The following AGTPBP1 variants were observed in gnomAD, a reference collection of about 807,000 sequenced individuals.
The protein encoded by AGTPBP1 is cytosolic carboxypeptidase 1.
AGTPBP1 carries 70 observed loss-of-function variants against 143.9 expected under a neutral mutation model. That is an observed-to-expected ratio of 0.49 (90% CI 0.40 to 0.59). The LOEUF (loss-of-function observed/expected upper bound fraction) is 0.59. Among genes scored for constraint, AGTPBP1 ranks in the 20% least tolerant of loss-of-function variants. AGTPBP1 has a pLI of 0.00. For synonymous variants in AGTPBP1, 463 were observed against 500.2 expected (o/e 0.93, Z 0.99); for missense variants, 1,229 against 1,464.5 (o/e 0.84, Z 2.62).
intron 2 of AGTPBP1, among the ~76,000 whole-genome samples, chr9:85,704,482 T>C (rs1836860256): frequency 6.6e-6 from 1 of 152,198 alleles, no homozygotes; most frequent in Non-Finnish European, 1.5e-5. Flanking sequence ...ATCTCATGAT[T>C]AGCAGAACAC....
the AGTPBP1 span, among the ~76,000 whole-genome samples, chr9:85,771,066 C>G: frequency 6.6e-6 from 1 of 152,188 alleles, no homozygotes; most frequent in Admixed American, 6.5e-5. Flanking sequence ...AGAACTATAT[C>G]CGTCTTTTCT....
At chr9:85,630,549 G>A (rs759349590) in intron 14 of AGTPBP1, among the ~76,000 whole-genome samples, 100 of 151,922 alleles carry the variant, frequency 6.6e-4, no homozygotes, top group Non-Finnish European at 1.2e-3. Flanking sequence ...GCACGATCAC[G>A]GCTCACTGCA....
At chr9:85,603,487 T>TG (rs773057328) in intron 17 of AGTPBP1, among the ~76,000 whole-genome samples, 1 of 152,240 alleles carries the variant, frequency 6.6e-6, no homozygotes, top group Non-Finnish European at 1.5e-5. Context: ...AAAGAGCCCT[T>TG]GGGCCTTGAA....
rs1309039555 is a variant in AGTPBP1, at chr9:85,632,825, C to T, written c.1852G>A (p.Val618Ile). Residue 618 changes from valine (V) to isoleucine (I), a missense_variant, in exon 14 of 26, where the codon GTA (valine) becomes ATA (isoleucine). Val to Ile is a conservative substitution (Grantham distance 29). This residue lies in a region of AGTPBP1 where 743 missense variants were observed against 812.2 expected (regional missense o/e 0.91). Transcript: ENST00000357081. The stretch of plus-strand genomic sequence containing the variant: ...TCATGGAGTGTTGGTCCATCAGGTA[C>T]TTCAACCGATGCTTGTTCTACCGAT... ...NSSVEQASVE[V>I]PDGPTLHDPD... 2.5e-6 allele frequency: 4 copies of T among 1,614,140 alleles called. No individual in the cohort carries two copies. The highest frequency in any genetic ancestry group is 1.1e-5 in the South Asian group (1 of 91,082).
chr9:85,628,890 T>C (rs1831477033), intron 14 of AGTPBP1, among the ~76,000 whole-genome samples: 1 of 152,018 alleles, frequency 6.6e-6, no homozygotes, highest in Non-Finnish European at 1.5e-5. Context: ...TAATTTTTTG[T>C]ATTTTTAGTA....
chr9:85,762,086 A>G, the AGTPBP1 span, among the ~76,000 whole-genome samples: 1,321 of 152,318 alleles, frequency 8.7e-3, 23 homozygotes, highest in African/African-American at 0.029. Flanking sequence ...ATCTCACACC[A>G]GTTAGAATGG....
chr9:85,616,263 A>C (rs1014437445), intron 17 of AGTPBP1, among the ~76,000 whole-genome samples: 1 of 151,970 alleles, frequency 6.6e-6, no homozygotes, highest in African/African-American at 2.4e-5. Context: ...TATCCAAAGG[A>C]GAAGGGGGAA....
the AGTPBP1 span, among the ~76,000 whole-genome samples, chr9:85,754,120 T>C: frequency 1.3e-5 from 2 of 152,216 alleles, no homozygotes; most frequent in Non-Finnish European, 2.9e-5. Context: ...AGGAGTTGAT[T>C]TGAATGTTGT....
At chr9:85,692,589 T>C (rs1277402121) in intron 3 of AGTPBP1, 100 bp downstream of exon 3, 2 of 1,458,088 alleles carry the variant, frequency 1.4e-6, no homozygotes, top group Non-Finnish European at 1.8e-6. Context: ...GTTCAATTTT[T>C]GTGGAAAATC....
At chr9:85,610,615 T>C (rs1222904829) in intron 17 of AGTPBP1, among the ~76,000 whole-genome samples, 1 of 151,754 alleles carries the variant, frequency 6.6e-6, no homozygotes, top group Non-Finnish European at 1.5e-5. Flanking sequence ...ATCCAACACT[T>C]AAATAGTACC....
chr9:85,588,166 A>C, intron 21 of AGTPBP1, 132 bp downstream of exon 21: 1 of 711,414 alleles, frequency 1.4e-6, no homozygotes, highest in Non-Finnish European at 2.1e-6. Context: ...GTTTATCTTA[A>C]TTTCCCACCA....
At chr9:85,671,580 T>G (rs1834485440) in intron 7 of AGTPBP1, among the ~76,000 whole-genome samples, 1 of 152,180 alleles carries the variant, frequency 6.6e-6, no homozygotes, top group South Asian at 2.1e-4. Context: ...TACACACATA[T>G]CTAGCACTCT....
chr9:85,600,644 G>A (rs754138377), intron 17 of AGTPBP1, among the ~76,000 whole-genome samples: 1 of 152,134 alleles, frequency 6.6e-6, no homozygotes, highest in Non-Finnish European at 1.5e-5. Flanking sequence ...TCCAATCCTA[G>A]CCAGGGGGGA....
intron 11 of AGTPBP1, among the ~76,000 whole-genome samples, chr9:85,653,641 G>A (rs1833310502): frequency 6.6e-6 from 1 of 152,152 alleles, no homozygotes; most frequent in Non-Finnish European, 1.5e-5. Flanking sequence ...GAAAGAAAGG[G>A]ATTCCAACTG....
intron 25 of AGTPBP1, chr9:85,554,004 A>T (rs1348778880): frequency 6.6e-6 from 1 of 152,258 alleles, no homozygotes; most frequent in Non-Finnish European, 1.5e-5. Flanking sequence ...TTCAGAATGA[A>T]CATGCTTATC....
chr9:85,593,653 G>T (rs944761082), intron 18 of AGTPBP1, among the ~76,000 whole-genome samples: 61 of 152,098 alleles, frequency 4.0e-4, no homozygotes, highest in African/African-American at 1.4e-3. Context: ...ATCCGAAAAT[G>T]GACTTAAAAA....
intron 19 of AGTPBP1, 42 bp from the exon 20 acceptor site, chr9:85,589,723 A>C: frequency 6.5e-7 from 1 of 1,546,338 alleles, no homozygotes; most frequent in Non-Finnish European, 8.8e-7. Context: ...TCACTTAAAA[A>C]GTCCCTATGA....
chr9:85,678,122 G>C (rs1176307533), intron 5 of AGTPBP1, among the ~76,000 whole-genome samples: 4 of 152,142 alleles, frequency 2.6e-5, no homozygotes, highest in African/African-American at 9.7e-5. Flanking sequence ...TAGGTTCAAG[G>C]CTGTGAAATA....
In AGTPBP1 at chr9:85,741,828, A is replaced by G. The variant is rs10114347; in HGVS notation, c.-87T>C. ...CGCGCAGAGCCGCAGCACCCGGCTC[A>G]GCACCTGGATCACGGCGGATCCCTC... On this transcript the variant is annotated 5_prime_UTR_variant, in exon 1 of 26. Coordinates refer to ENST00000357081, the MANE Select transcript of AGTPBP1 (RefSeq NM_001330701.2). 0.18 allele frequency: 247,096 copies of G among 1,396,468 alleles called. 34,143 individuals carry two copies. The highest frequency in any genetic ancestry group is 0.79 in the East Asian group (25,754 of 32,406). 86.5% of individuals were successfully genotyped at this position (1,396,468 alleles called of 1,614,324 possible).
Sources: allele counts gnomAD v4.1 joint callset (sites outside exome capture counted in the v4.1 genomes callset), GRCh38; gene constraint gnomAD v4.1.1; regional missense constraint gnomAD v4.1.1; transcripts MANE v1.5; gene names NCBI Gene and HGNC (gene_info 2026-07-23, HGNC 2026-07-21).